Variants in CDH11 observed in about 807,000 individuals in gnomAD.
CDH11 encodes the protein cadherin-11.
A neutral mutation model predicts 67.8 loss-of-function variants in CDH11; 11 were observed. That is an observed-to-expected ratio of 0.16 (90% CI 0.10 to 0.27). The LOEUF (loss-of-function observed/expected upper bound fraction) is 0.27. CDH11 is among the 10% of genes least tolerant of loss of function. CDH11 has a pLI of 1.00. For synonymous variants in CDH11, 419 were observed against 400.0 expected (o/e 1.05, Z -0.57); for missense variants, 847 against 1,031.2 (o/e 0.82, Z 2.45).
intron 1 of CDH11, among the ~76,000 whole-genome samples, chr16:65,079,450 G>C (rs529463081): frequency 6.6e-6 from 1 of 152,114 alleles, no homozygotes; most frequent in East Asian, 1.9e-4. Context: ...TTTGATTCTT[G>C]TGACAAAATT....
chr16:64,947,921 G>C lies in CDH11; in HGVS notation c.2073C>G (p.Ile691Met), dbSNP rs35145978. 4.1e-4 allele frequency: 663 copies of C among 1,614,116 alleles called. 1 individual carries two copies. In the African/African-American group the frequency reaches 7.6e-3, roughly 18 times the overall value. The change falls in exon 13 of 13, where the codon ATC (isoleucine) becomes ATG (methionine). Residue 691 changes from isoleucine to methionine, a missense_variant. Transcript: ENST00000268603. The stretch of plus-strand genomic sequence containing the variant: ...ACTCAGGTTTGATGTCTTTGCGGGG[G>C]ATAAATCCATTGATACCATCAGGAT... ...LQNPDGINGFIPRKDIKPEYQ... is the reference protein window; with the variant it reads ...LQNPDGINGFMPRKDIKPEYQ...
chr16:64,944,345 C>T lies in CDH11; in HGVS notation c.*3258G>A, dbSNP rs191983494. 2.4e-4 allele frequency: 56 copies of T among 232,700 alleles called. No individual in the cohort carries two copies. Among genetic ancestry groups the T allele is most frequent in the African/African-American group, 1.2e-3 (55 of 45,410 alleles). The allele number at this position is 232,700 out of a possible 1,614,324, so 14.4% of individuals were successfully genotyped here. On this transcript the variant is annotated 3_prime_UTR_variant, in exon 13 of 13. Transcript: ENST00000268603. ...CAGTGCAAGAGCAGAGAAGTCTTTC[C>T]TCTTCTCCATCTCCAAATTACTGAA...
At chr16:64,959,718 T>C (rs772475912) in intron 11 of CDH11, among the ~76,000 whole-genome samples, 2 of 152,198 alleles carry the variant, frequency 1.3e-5, no homozygotes, top group African/African-American at 2.4e-5. Context: ...GCATCTTCCA[T>C]ATTGGAGCAA....
intron 1 of CDH11, among the ~76,000 whole-genome samples, chr16:65,117,568 T>G (rs532674212): frequency 6.6e-6 from 1 of 152,216 alleles, no homozygotes; most frequent in East Asian, 1.9e-4. Context: ...TAAAGTTAGG[T>G]TTTTCACAAC....
intron 1 of CDH11, among the ~76,000 whole-genome samples, chr16:65,089,888 C>T (rs1177192117): frequency 6.6e-6 from 1 of 152,056 alleles, no homozygotes; most frequent in Non-Finnish European, 1.5e-5. Flanking sequence ...TTAGAGCCAA[C>T]ATTTTGCATT....
At chr16:65,064,482 C>A (rs1330635040) in intron 1 of CDH11, among the ~76,000 whole-genome samples, 1 of 152,184 alleles carries the variant, frequency 6.6e-6, no homozygotes. Flanking sequence ...TAATGCAATA[C>A]CTGACACAAC....
intron 2 of CDH11, among the ~76,000 whole-genome samples, chr16:65,022,072 G>A (rs2073439530): frequency 1.3e-5 from 2 of 152,148 alleles, no homozygotes; most frequent in South Asian, 4.2e-4. Context: ...TATGAGGCAA[G>A]CACCATAATG....
At chr16:65,075,634 G>C (rs913402808) in intron 1 of CDH11, among the ~76,000 whole-genome samples, 2 of 152,146 alleles carry the variant, frequency 1.3e-5, no homozygotes, top group African/African-American at 4.8e-5. Flanking sequence ...TATTTCAGGA[G>C]ACTCTATTGC....
intron 11 of CDH11, among the ~76,000 whole-genome samples, chr16:64,952,248 C>A (rs1297036450): frequency 2.0e-5 from 3 of 152,126 alleles, no homozygotes; most frequent in Non-Finnish European, 2.9e-5. Context: ...CTTGTGTGAC[C>A]CACCACACTG....
chr16:65,016,821 C>T (rs257491), intron 2 of CDH11, among the ~76,000 whole-genome samples: 135,364 of 152,122 alleles, frequency 0.89, 60,361 homozygotes, highest in East Asian at 1. Context: ...TGACTAAGTA[C>T]ACAAATGGTT....
chr16:64,950,667 CA>C, intron 12 of CDH11, 99 bp downstream of exon 12: 1 of 1,124,840 alleles, frequency 8.9e-7, no homozygotes, highest in Non-Finnish European at 1.2e-6. Context: ...ACAGTCATAA[CA>C]GGGTCCTGGT....
chr16:64,992,185 C>A (rs74026217), intron 5 of CDH11, among the ~76,000 whole-genome samples: 8 of 152,290 alleles, frequency 5.3e-5, no homozygotes, highest in Admixed American at 1.3e-4. Context: ...TAACCCTATT[C>A]TTCTCAGATA....
At chr16:65,084,497 T>C (rs1567569188) in intron 1 of CDH11, among the ~76,000 whole-genome samples, 3 of 151,362 alleles carry the variant, frequency 2.0e-5, no homozygotes, top group African/African-American at 7.3e-5. Flanking sequence ...ATCTAAAGAT[T>C]AAAAAAAAAT....
rs180715892 is a variant in CDH11, at chr16:64,982,101, G to A, written c.1200C>T (p.Thr400=). 9 of 1,614,010 alleles carry A rather than the reference G, an allele frequency of 5.6e-6. No individual in the cohort carries two copies. Among genetic ancestry groups the A allele is most frequent in the Middle Eastern group, 1.6e-4 (1 of 6,062 alleles). Residue 400 remains threonine (T), a synonymous_variant, in exon 8 of 13, where the codon ACC becomes ACT. Transcript: ENST00000268603. The part of the protein sequence containing the change: ...HEVQENAAAG[T]VVGRVHAKDP... ...CTTTGGCATGCACTCTCCCAACCACGGTGCCAGCAGCTGCATTTTCTTGGA... is the reference window on the plus strand; with the variant it reads ...CTTTGGCATGCACTCTCCCAACCACAGTGCCAGCAGCTGCATTTTCTTGGA...
chr16:64,954,286 C>T (rs2071443368), intron 11 of CDH11, among the ~76,000 whole-genome samples: 1 of 152,202 alleles, frequency 6.6e-6, no homozygotes, highest in Non-Finnish European at 1.5e-5. Flanking sequence ...GCTATTAAAA[C>T]ATGCTTCACA....
intron 2 of CDH11, among the ~76,000 whole-genome samples, chr16:65,038,852 C>T (rs911303355): frequency 2.0e-5 from 3 of 152,164 alleles, no homozygotes; most frequent in South Asian, 2.1e-4. Flanking sequence ...TGTTTCCTAC[C>T]GCACACCTGC....
chr16:65,073,242 G>A (rs1464305349), intron 1 of CDH11, among the ~76,000 whole-genome samples: 1 of 152,162 alleles, frequency 6.6e-6, no homozygotes, highest in Non-Finnish European at 1.5e-5. Context: ...CCAGAAGGGA[G>A]AAGACTGCAA....
intron 1 of CDH11, among the ~76,000 whole-genome samples, chr16:65,089,663 A>G (rs966997256): frequency 2.0e-4 from 31 of 152,202 alleles, no homozygotes; most frequent in African/African-American, 7.2e-4. Flanking sequence ...ATTGCAAAGG[A>G]AAGAAGCCAA....
chr16:64,993,908 C>T (rs1567515229), intron 4 of CDH11, among the ~76,000 whole-genome samples: 2 of 152,182 alleles, frequency 1.3e-5, no homozygotes, highest in Non-Finnish European at 2.9e-5. Flanking sequence ...CAGCATTCCT[C>T]TGCTGGGCAT....
Sources: allele counts gnomAD v4.1 joint callset (sites outside exome capture counted in the v4.1 genomes callset), GRCh38; gene constraint gnomAD v4.1.1; transcripts MANE v1.5; gene names NCBI Gene and HGNC (gene_info 2026-07-23, HGNC 2026-07-21).